Variants in PKNOX2 observed in about 807,000 individuals in gnomAD.
The protein encoded by PKNOX2 is PBX/knotted 1 homeobox 2, also known as homeobox protein PKNOX2.
In PKNOX2, 14 loss-of-function variants were observed where a neutral mutation model predicts 53.1. The ratio of observed to expected loss-of-function variants is 0.26; its 90% CI spans 0.17 to 0.41. PKNOX2 has a LOEUF of 0.41. PKNOX2 is among the 10% of genes least tolerant of loss of function. The probability of loss-of-function intolerance (pLI) is 1.00; values close to 1 mark genes in which losing one functional copy is unlikely to be tolerated. For missense variants in PKNOX2, 496 were observed against 602.8 expected, an observed-to-expected ratio of 0.82 and a Z score of 1.85; for synonymous variants, 257 against 242.8, an observed-to-expected ratio of 1.06 and a Z score of -0.54.
At chr11:125,276,486 T>C (rs1208561027) in intron 2 of PKNOX2, among the ~76,000 whole-genome samples, 1 of 152,182 alleles carries the variant, frequency 6.6e-6, no homozygotes, top group Non-Finnish European at 1.5e-5. Context: ...AGTGAAGGTA[T>C]TGACCTTGGA....
intron 2 of PKNOX2, among the ~76,000 whole-genome samples, chr11:125,322,841 G>C (rs750930437): frequency 5.9e-5 from 9 of 152,188 alleles, no homozygotes; most frequent in Admixed American, 1.3e-4. Context: ...TGCTTATTCT[G>C]TCTGTAAAAT....
intron 5 of PKNOX2, among the ~76,000 whole-genome samples, chr11:125,385,064 C>G (rs1268242033): frequency 6.6e-6 from 1 of 152,164 alleles, no homozygotes; most frequent in Non-Finnish European, 1.5e-5. Context: ...TCACGTATGT[C>G]TCCTGCATGC....
At chr11:125,388,371 G>A (rs116553784) in intron 6 of PKNOX2, among the ~76,000 whole-genome samples, 2,282 of 152,180 alleles carry the variant, frequency 0.015, 65 homozygotes, top group African/African-American at 0.052. Flanking sequence ...GTAGCCCAAC[G>A]GACTGTAACT....
intron 1 of PKNOX2, among the ~76,000 whole-genome samples, chr11:125,167,580 G>C (rs56041082): frequency 0.016 from 2,445 of 152,314 alleles, 28 homozygotes; most frequent in Non-Finnish European, 0.022. Context: ...TTACCGGAGG[G>C]AGATGGGCCC....
chr11:125,266,394 G>C (rs1404100831), intron 2 of PKNOX2, among the ~76,000 whole-genome samples: 1 of 152,192 alleles, frequency 6.6e-6, no homozygotes, highest in Non-Finnish European at 1.5e-5. Context: ...CATTTAGCCA[G>C]TGTGATGTCC....
At chr11:125,288,631 C>T (rs1480679893) in intron 2 of PKNOX2, among the ~76,000 whole-genome samples, 1 of 152,226 alleles carries the variant, frequency 6.6e-6, no homozygotes, top group African/African-American at 2.4e-5. Flanking sequence ...TTGAGGCCTT[C>T]CCCTCCTTGG....
intron 2 of PKNOX2, among the ~76,000 whole-genome samples, chr11:125,250,564 G>A (rs1943920457): frequency 6.6e-6 from 1 of 152,266 alleles, no homozygotes; most frequent in East Asian, 1.9e-4. Flanking sequence ...TGGGCCTAGC[G>A]CTAGTCTGGA....
intron 1 of PKNOX2, among the ~76,000 whole-genome samples, chr11:125,204,776 T>C (rs1305627987): frequency 6.6e-6 from 1 of 152,162 alleles, no homozygotes; most frequent in African/African-American, 2.4e-5. Flanking sequence ...CCCGCTGTGA[T>C]CCTCTCTCCC....
At chr11:125,220,630 A>G (rs1054064142) in intron 1 of PKNOX2, among the ~76,000 whole-genome samples, 2 of 152,150 alleles carry the variant, frequency 1.3e-5, no homozygotes, top group African/African-American at 4.8e-5. Context: ...CTGGGGAATC[A>G]TTTCACCTCT....
chr11:125,402,798 T>C (rs1246686823), intron 7 of PKNOX2, among the ~76,000 whole-genome samples: 1 of 152,162 alleles, frequency 6.6e-6, no homozygotes, highest in African/African-American at 2.4e-5. Flanking sequence ...GCATCCTTCA[T>C]CCTTCCTCAG....
intron 7 of PKNOX2, among the ~76,000 whole-genome samples, chr11:125,408,202 T>C (rs1351861990): frequency 1.3e-5 from 2 of 152,226 alleles, no homozygotes; most frequent in Non-Finnish European, 2.9e-5. Flanking sequence ...CTCAGTGCCT[T>C]ATTTGTACTT....
intron 2 of PKNOX2, among the ~76,000 whole-genome samples, chr11:125,286,040 G>A (rs1946873918): frequency 6.6e-6 from 1 of 152,224 alleles, no homozygotes; most frequent in Non-Finnish European, 1.5e-5. Context: ...TGGTCCTGGT[G>A]TGTAGGGCGT....
chr11:125,234,391 A>G (rs937372110), intron 1 of PKNOX2, among the ~76,000 whole-genome samples: 9 of 152,146 alleles, frequency 5.9e-5, no homozygotes, highest in African/African-American at 1.4e-4. Context: ...GACTGTTTTT[A>G]TTTTTACAAA....
chr11:125,170,209 CTG>C (rs962581739), intron 1 of PKNOX2, among the ~76,000 whole-genome samples: 1 of 152,186 alleles, frequency 6.6e-6, no homozygotes, highest in African/African-American at 2.4e-5. Context: ...TTACACAAAA[CTG>C]TGTGTGCGCT....
intron 3 of PKNOX2, among the ~76,000 whole-genome samples, chr11:125,349,112 A>C (rs1014792311): frequency 6.6e-6 from 1 of 152,238 alleles, no homozygotes; most frequent in South Asian, 2.1e-4. Flanking sequence ...TAGGCCCCTG[A>C]AACATTCCTA....
At chr11:125,367,218 G>T (rs975643468) in intron 4 of PKNOX2, among the ~76,000 whole-genome samples, 1 of 152,062 alleles carries the variant, frequency 6.6e-6, no homozygotes. Flanking sequence ...GTCGGCCTCG[G>T]GACACCTTCA....
chr11:125,313,464 G>A (rs1339118143), intron 2 of PKNOX2, among the ~76,000 whole-genome samples: 1 of 152,228 alleles, frequency 6.6e-6, no homozygotes, highest in South Asian at 2.1e-4. Context: ...TTCCCCTCAA[G>A]GAGTTCCTGG....
intron 1 of PKNOX2, among the ~76,000 whole-genome samples, chr11:125,212,442 G>A (rs1372948107): frequency 1.4e-5 from 2 of 142,876 alleles, no homozygotes; most frequent in South Asian, 2.3e-4. Context: ...AAGAATAGGA[G>A]GGGATTCTTT....
intron 3 of PKNOX2, chr11:125,332,550 G>GT (rs1950202749): frequency 6.6e-6 from 1 of 152,138 alleles, no homozygotes; most frequent in Admixed American, 6.5e-5. Flanking sequence ...TCCCACAGAC[G>GT]TAAGTATCAA....
Sources: allele counts gnomAD v4.1 joint callset (sites outside exome capture counted in the v4.1 genomes callset), GRCh38; gene constraint gnomAD v4.1.1; transcripts MANE v1.5; gene names NCBI Gene and HGNC (gene_info 2026-07-23, HGNC 2026-07-21).